The following XPR1 variants were observed in gnomAD, a reference collection of about 807,000 sequenced individuals.
XPR1 encodes the protein xenotropic and polytropic retrovirus receptor 1.
Under a neutral mutation model 87.5 loss-of-function variants are expected in XPR1, and 28 were observed. The observed-to-expected ratio is 0.32, with a 90% CI of 0.24 to 0.44. The LOEUF (loss-of-function observed/expected upper bound fraction) is 0.44. Ranked by LOEUF, XPR1 falls within the 20% of genes least tolerant of loss-of-function variation. The pLI is 1.00. For synonymous variants in XPR1, 300 were observed against 306.1 expected (o/e 0.98, Z 0.21); for missense variants, 559 against 862.3 (o/e 0.65, Z 4.41).
rs142738238 is a variant in XPR1, at chr1:180,863,195, C to T, written c.1502-513C>T. On this transcript the variant is annotated intron_variant, in intron 11 of 14. Transcript: ENST00000367590. ...AAAATCCTTATCACTCTGTTGTTTTCGGGCATTTTATCTAGACTTAGGATT... is the reference window on the plus strand; with the variant it reads ...AAAATCCTTATCACTCTGTTGTTTTTGGGCATTTTATCTAGACTTAGGATT... 4.0e-4 allele frequency among the ~76,000 whole-genome samples: 61 copies of T among 152,074 alleles called. No individual in the cohort carries two copies. The East Asian group carries it at 7.2e-3, about 18-fold the overall frequency.
chr1:180,803,556 T>C lies in XPR1; in HGVS notation c.392T>C (p.Leu131Pro). The C allele has an allele frequency of 6.2e-7, 1 of 1,613,432 alleles. No individual in the cohort carries two copies. The highest frequency in any genetic ancestry group is 8.5e-7 in the Non-Finnish European group (1 of 1,179,964). The change falls in exon 4 of 15, where the codon CTT (leucine) becomes CCT (proline). Residue 131 changes from leucine to proline, a missense_variant. Leu to Pro is a moderately conservative substitution (Grantham distance 98, BLOSUM62 -3). Coordinates refer to ENST00000367590, the MANE Select transcript of XPR1 (RefSeq NM_004736.4). ...GTCCAACATAGAAATATTAAAGACC[T>C]TAAACTGGCCTTCAGTGAGTTCTAC... ...ERVQHRNIKD[L>P]KLAFSEFYLS...
intron 7 of XPR1, among the ~76,000 whole-genome samples, chr1:180,814,299 T>C (rs1464952169): frequency 1.3e-5 from 2 of 152,208 alleles, no homozygotes; most frequent in Admixed American, 1.3e-4. Context: ...GTTTATGATG[T>C]AGTGTTGCTA....
At chr1:180,747,882 A>C (rs1280977971) in intron 2 of XPR1, among the ~76,000 whole-genome samples, 1 of 152,246 alleles carries the variant, frequency 6.6e-6, no homozygotes, top group Non-Finnish European at 1.5e-5. Context: ...TGAAACCATT[A>C]TGTCTGTGAA....
intron 12 of XPR1, among the ~76,000 whole-genome samples, chr1:180,866,395 A>G (rs1652391120): frequency 1.3e-5 from 2 of 152,198 alleles, no homozygotes; most frequent in African/African-American, 4.8e-5. Context: ...AATGCATAAT[A>G]TTAAGCACCA....
At chr1:180,804,019 T>C (rs943676686) in intron 4 of XPR1, among the ~76,000 whole-genome samples, 5 of 151,954 alleles carry the variant, frequency 3.3e-5, no homozygotes, top group African/African-American at 1.2e-4. Context: ...AGAGTCTCAC[T>C]GTGTCACCCA....
chr1:180,712,312 C>T (rs574756122), intron 2 of XPR1, among the ~76,000 whole-genome samples: 1 of 152,282 alleles, frequency 6.6e-6, no homozygotes, highest in African/African-American at 2.4e-5. Context: ...GTGTTGTTCC[C>T]TATACGAAGG....
chr1:180,745,175 G>A (rs554681567), intron 2 of XPR1, among the ~76,000 whole-genome samples: 32 of 152,302 alleles, frequency 2.1e-4, no homozygotes, highest in African/African-American at 7.5e-4. Context: ...GATTATGCAA[G>A]CTTTTCTCTC....
At chr1:180,655,008 A>G (rs1655407973) in intron 1 of XPR1, among the ~76,000 whole-genome samples, 1 of 152,192 alleles carries the variant, frequency 6.6e-6, no homozygotes, top group Non-Finnish European at 1.5e-5. Flanking sequence ...GAACCACCAT[A>G]GTGTTTTCCA....
At chr1:180,762,769 G>A (rs1648096843) in intron 2 of XPR1, among the ~76,000 whole-genome samples, 1 of 152,192 alleles carries the variant, frequency 6.6e-6, no homozygotes, top group Admixed American at 6.5e-5. Context: ...TACAGCTGAT[G>A]AGATAGTTCC....
chr1:180,718,669 ATTT>A (rs34441510), intron 2 of XPR1, among the ~76,000 whole-genome samples: 2 of 134,818 alleles, frequency 1.5e-5, no homozygotes, highest in Admixed American at 1.5e-4. Flanking sequence ...GAGCATCTGT[ATTT>A]TTTTTTTTTT....
intron 1 of XPR1, among the ~76,000 whole-genome samples, chr1:180,636,341 A>G (rs1280796741): frequency 2.0e-5 from 3 of 152,352 alleles, no homozygotes; most frequent in Middle Eastern, 3.4e-3. Context: ...ATCAAAGTAT[A>G]GTATAGTGTG....
chr1:180,786,359 A>G (rs925999008), intron 2 of XPR1, among the ~76,000 whole-genome samples: 8 of 152,118 alleles, frequency 5.3e-5, no homozygotes, highest in Non-Finnish European at 8.8e-5. Context: ...AGACAGTTGG[A>G]TTATTTTAAG....
chr1:180,811,461 G>C lies in XPR1; in HGVS notation c.736G>C (p.Val246Leu). Residue 246 changes from valine (V) to leucine (L), a missense_variant, in exon 7 of 15, where the codon GTA becomes CTA. Val to Leu is a conservative substitution (Grantham distance 32). Coordinates refer to ENST00000367590, the MANE Select transcript of XPR1 (RefSeq NM_004736.4). ...RVGLFCGIFIVLNITLVLAAV... is the reference protein window; with the variant it reads ...RVGLFCGIFILLNITLVLAAV... ...TGGCCTATTTTGTGGAATATTCATT[G>C]TACTGAATATTACCCTTGTGCTTGC... The C allele has an allele frequency of 6.2e-7, 1 of 1,613,060 alleles. No individual in the cohort carries two copies. Among genetic ancestry groups the C allele is most frequent in the Non-Finnish European group, 8.5e-7 (1 of 1,179,494 alleles).
intron 2 of XPR1, among the ~76,000 whole-genome samples, chr1:180,736,339 C>T (rs997908616): frequency 6.6e-6 from 1 of 152,116 alleles, no homozygotes; most frequent in African/African-American, 2.4e-5. Context: ...TGGCTTGGCT[C>T]TTATGAGGAC....
rs1007267578 is a variant in XPR1, at chr1:180,876,551, G to C, written c.1808+2609G>C. Among the ~76,000 whole-genome samples, 14 of 151,892 alleles carry C rather than the reference G, an allele frequency of 9.2e-5. 1 individual carries two copies. The highest frequency in any genetic ancestry group is 8.5e-4 in the Admixed American group (13 of 15,248). On this transcript the variant is annotated intron_variant, in intron 13 of 14. Transcript: ENST00000367590. ...CTCAGGAGGCTGAGTTGGGAGAATT[G>C]CTTGAACCCAGGAGGAAGAGGTTGC...
Position 180,641,307 on chromosome 1 carries a change from G to T in XPR1, c.69+9037G>T, listed in dbSNP as rs150457539. Among the ~76,000 whole-genome samples, 7 of 152,276 alleles carry T rather than the reference G, an allele frequency of 4.6e-5. No homozygotes were observed. In the East Asian group the frequency reaches 1.3e-3, roughly 29 times the overall value. On this transcript the variant is annotated intron_variant, in intron 1 of 14. Coordinates refer to ENST00000367590, the MANE Select transcript of XPR1 (RefSeq NM_004736.4). Reference sequence around the variant, plus strand: ...ATTTCCTATTAAAATTATTTCTTCTGCAGAGCTCAACAATACTAAATAATG... The same window carrying T: ...ATTTCCTATTAAAATTATTTCTTCTTCAGAGCTCAACAATACTAAATAATG...
chr1:180,638,241 A>G (rs111634378), intron 1 of XPR1, among the ~76,000 whole-genome samples: 2 of 152,224 alleles, frequency 1.3e-5, no homozygotes, highest in Non-Finnish European at 2.9e-5. Flanking sequence ...TCTATTTTAA[A>G]CAATTTTGTT....
intron 12 of XPR1, among the ~76,000 whole-genome samples, chr1:180,872,753 G>C (rs1652543251): frequency 6.7e-6 from 1 of 149,832 alleles, no homozygotes; most frequent in Non-Finnish European, 1.5e-5. Context: ...TACCTCAGAT[G>C]GAAATGCAGA....
At chr1:180,734,912 T>C (rs1424431651) in intron 2 of XPR1, among the ~76,000 whole-genome samples, 2 of 152,182 alleles carry the variant, frequency 1.3e-5, no homozygotes, top group South Asian at 4.1e-4. Flanking sequence ...AGCAAGGATG[T>C]CATTATGTTA....
Sources: allele counts gnomAD v4.1 joint callset (sites outside exome capture counted in the v4.1 genomes callset), GRCh38; gene constraint gnomAD v4.1.1; transcripts MANE v1.5; gene names NCBI Gene and HGNC (gene_info 2026-07-23, HGNC 2026-07-21).